CAST: variants seen among roughly 807,000 people sequenced by gnomAD.
CAST encodes calpastatin, also known as MIR583 host.
Under a neutral mutation model 119.6 loss-of-function variants are expected in CAST, and 76 were observed. The ratio of observed to expected loss-of-function variants is 0.64; its 90% CI spans 0.53 to 0.77. CAST has a LOEUF of 0.77. Ranked by LOEUF, CAST falls within the 30% of genes least tolerant of loss-of-function variation. The probability of loss-of-function intolerance (pLI) is 0.00; values close to 1 mark genes in which losing one functional copy is unlikely to be tolerated. For missense variants in CAST, 953 were observed against 946.5 expected (o/e 1.01, Z -0.09); for synonymous variants, 319 against 331.6 (o/e 0.96, Z 0.41).
At chr5:96,243,384 A>G in the CAST span, among the ~76,000 whole-genome samples, 2 of 152,042 alleles carry the variant, frequency 1.3e-5, no homozygotes, top group Non-Finnish European at 2.9e-5. Context: ...GTAATGGAAG[A>G]AGAATTTTCT....
chr5:96,737,209 G>A (rs975321627), intron 10 of CAST, among the ~76,000 whole-genome samples: 1 of 152,118 alleles, frequency 6.6e-6, no homozygotes, highest in Non-Finnish European at 1.5e-5. Flanking sequence ...AACCATATCA[G>A]TTATACTGAT....
chr5:96,580,986 A>G (rs1175103440), intron 1 of CAST, among the ~76,000 whole-genome samples: 1 of 152,244 alleles, frequency 6.6e-6, no homozygotes, highest in African/African-American at 2.4e-5. Context: ...TCTATGAGAA[A>G]GCAGGCCCTC....
At chr5:96,480,937 A>G in the CAST span, among the ~76,000 whole-genome samples, 1 of 152,178 alleles carries the variant, frequency 6.6e-6, no homozygotes, top group Non-Finnish European at 1.5e-5. Context: ...GTGAAGAAAG[A>G]ACTAGGGCAG....
At chr5:96,048,432 G>A in the CAST span, among the ~76,000 whole-genome samples, 9 of 152,128 alleles carry the variant, frequency 5.9e-5, no homozygotes, top group South Asian at 4.1e-4. Flanking sequence ...GATAGACTGA[G>A]GGGGCAGAAA....
At chr5:96,639,495 T>C (rs1014720961) in intron 1 of CAST, among the ~76,000 whole-genome samples, 7 of 152,198 alleles carry the variant, frequency 4.6e-5, no homozygotes, top group Non-Finnish European at 7.3e-5. Context: ...TCATCACTTC[T>C]TCTCAGAAAA....
the CAST span, among the ~76,000 whole-genome samples, chr5:96,134,678 C>T: frequency 2.0e-5 from 3 of 152,098 alleles, no homozygotes; most frequent in African/African-American, 4.8e-5. Flanking sequence ...GCCAGTGGTA[C>T]CTAAAGGCAC....
At chr5:96,677,335 A>G (rs1750834957) in intron 2 of CAST, among the ~76,000 whole-genome samples, 1 of 152,222 alleles carries the variant, frequency 6.6e-6, no homozygotes, top group Non-Finnish European at 1.5e-5. Context: ...ATTCTGGCCA[A>G]TTATAACTGG....
chr5:96,467,469 C>T, the CAST span, among the ~76,000 whole-genome samples: 1 of 151,964 alleles, frequency 6.6e-6, no homozygotes, highest in South Asian at 2.1e-4. Context: ...TTAGTTTTTA[C>T]ATTTTGATCC....
At chr5:96,178,162 A>G in the CAST span, among the ~76,000 whole-genome samples, 1 of 152,210 alleles carries the variant, frequency 6.6e-6, no homozygotes, top group African/African-American at 2.4e-5. Context: ...ACCACAACCC[A>G]AGATCAGTCT....
chr5:96,425,044 G>GAAAGAAAGAAAGAAAA, the CAST span, among the ~76,000 whole-genome samples: 16 of 127,182 alleles, frequency 1.3e-4, no homozygotes, highest in African/African-American at 4.4e-4. Context: ...AAGAAAGAAA[G>GAAAGAAAGAAAGAAAA]AAAGAAAGAA....
At chr5:96,064,104 C>T in the CAST span, among the ~76,000 whole-genome samples, 1 of 152,096 alleles carries the variant, frequency 6.6e-6, no homozygotes, top group Admixed American at 6.6e-5. Flanking sequence ...ATGCATTTAG[C>T]TATTAGAGGA....
chr5:96,103,209 A>G, the CAST span, among the ~76,000 whole-genome samples: 1 of 152,012 alleles, frequency 6.6e-6, no homozygotes, highest in East Asian at 1.9e-4. Flanking sequence ...TCTTTTTTAA[A>G]TTATTATACT....
chr5:96,210,972 A>T, the CAST span, among the ~76,000 whole-genome samples: 20 of 151,856 alleles, frequency 1.3e-4, no homozygotes, highest in Non-Finnish European at 1.2e-4. Flanking sequence ...TTATGTGTTC[A>T]TTGCTAGTAT....
At chr5:95,991,741 A>G in the CAST span, among the ~76,000 whole-genome samples, 1 of 151,910 alleles carries the variant, frequency 6.6e-6, no homozygotes, top group Admixed American at 6.6e-5. Context: ...TCTGAGCTCA[A>G]GTTAGTCACC....
At chr5:96,274,950 T>C in the CAST span, among the ~76,000 whole-genome samples, 1 of 152,288 alleles carries the variant, frequency 6.6e-6, no homozygotes, top group South Asian at 2.1e-4. Context: ...CCTTCCAATC[T>C]GGAAATGCCT....
the CAST span, among the ~76,000 whole-genome samples, chr5:96,261,003 T>C: frequency 1.3e-5 from 2 of 152,186 alleles, no homozygotes; most frequent in African/African-American, 2.4e-5. Flanking sequence ...CTCAGCAAAA[T>C]TGCTGAGTAA....
At chr5:96,157,869 C>A in the CAST span, among the ~76,000 whole-genome samples, 1 of 152,100 alleles carries the variant, frequency 6.6e-6, no homozygotes, top group Admixed American at 6.5e-5. Flanking sequence ...TTTCTTTATT[C>A]AAGCACGTAG....
At chr5:96,581,263 A>T (rs1746765530) in intron 1 of CAST, among the ~76,000 whole-genome samples, 1 of 152,228 alleles carries the variant, frequency 6.6e-6, no homozygotes, top group African/African-American at 2.4e-5. Context: ...ATCACAGAAG[A>T]CCAAACACAG....
intron 3 of CAST, among the ~76,000 whole-genome samples, chr5:96,696,930 C>T (rs953056650): frequency 5.9e-5 from 9 of 151,826 alleles, no homozygotes; most frequent in Non-Finnish European, 7.4e-5. Context: ...TGGGAGTCCA[C>T]GGTGGGCAGA....
Sources: allele counts gnomAD v4.1 joint callset (sites outside exome capture counted in the v4.1 genomes callset), GRCh38; gene constraint gnomAD v4.1.1; transcripts MANE v1.5; gene names NCBI Gene and HGNC (gene_info 2026-07-23, HGNC 2026-07-21).